NALCN: variants seen among roughly 807,000 people sequenced by gnomAD.
NALCN encodes sodium leak channel, non-selective.
Under a neutral mutation model 225.3 loss-of-function variants are expected in NALCN, and 111 were observed. The observed-to-expected ratio is 0.49, with a 90% confidence interval of 0.42 to 0.58. NALCN has a LOEUF of 0.58. Among genes scored for constraint, NALCN ranks in the 20% least tolerant of loss-of-function variants. The pLI is 0.00. For synonymous variants in NALCN, 764 were observed against 769.0 expected (o/e 0.99, Z 0.11); for missense variants, 1,378 against 2,202.4 (o/e 0.63, Z 7.49).
intron 26 of NALCN, among the ~76,000 whole-genome samples, chr13:101,102,630 C>A (rs1252899184): frequency 6.6e-6 from 1 of 152,186 alleles, no homozygotes; most frequent in African/African-American, 2.4e-5. Flanking sequence ...GTTTTGCCCC[C>A]TCAATCATCT....
chr13:101,325,921 T>C (rs1321259420), intron 7 of NALCN, among the ~76,000 whole-genome samples: 1 of 152,230 alleles, frequency 6.6e-6, no homozygotes, highest in Non-Finnish European at 1.5e-5. Flanking sequence ...GAAAACAGTT[T>C]AGTTTAGAAA....
Position 101,128,554 on chromosome 13 carries a change from A to AT in NALCN, c.2119-3874dup, listed in dbSNP as rs373899990. Among the ~76,000 whole-genome samples, 394 of 145,422 alleles carry AT rather than the reference A, an allele frequency of 2.7e-3. 1 individual carries two copies. The highest frequency in any genetic ancestry group is 8.8e-3 in the African/African-American group (348 of 39,652). On this transcript the variant is annotated intron_variant, in intron 17 of 43. Coordinates refer to ENST00000251127, the MANE Select transcript of NALCN (RefSeq NM_052867.4). ...TTTGACCTATAGTTTTTGAGTCTGG[A>AT]TTTTTTTTTTTCTTTTTTTGACAGG... is the stretch of plus-strand genomic sequence containing the variant.
chr13:101,301,654 G>A (rs1160882525), intron 7 of NALCN, among the ~76,000 whole-genome samples: 7 of 151,386 alleles, frequency 4.6e-5, no homozygotes. Context: ...CTGGGAGGCA[G>A]AGGGTGCAGT....
chr13:101,098,172 T>C (rs574432425), intron 27 of NALCN, among the ~76,000 whole-genome samples: 1 of 152,178 alleles, frequency 6.6e-6, no homozygotes, highest in African/African-American at 2.4e-5. Context: ...TCCCACCTCC[T>C]CCCTGAAGCC....
intron 12 of NALCN, 32 bp from the exon 13 acceptor site, chr13:101,229,616 CAT>C (rs2041270322): frequency 6.8e-7 from 1 of 1,470,452 alleles, no homozygotes; most frequent in African/African-American, 1.4e-5. Flanking sequence ...TTTATTTACA[CAT>C]ATGATCATTT....
At chr13:101,393,027 G>A (rs1288267908) in intron 3 of NALCN, among the ~76,000 whole-genome samples, 2 of 152,270 alleles carry the variant, frequency 1.3e-5, no homozygotes, top group East Asian at 3.9e-4. Flanking sequence ...TAGAAAGTTT[G>A]TCCATGATTT....
chr13:101,266,411 A>G (rs1359237549), intron 10 of NALCN, among the ~76,000 whole-genome samples: 1 of 152,208 alleles, frequency 6.6e-6, no homozygotes, highest in African/African-American at 2.4e-5. Context: ...AGCTCTTTCT[A>G]TTAAATTTCT....
chr13:101,216,527 G>A (rs1472774682), intron 13 of NALCN, among the ~76,000 whole-genome samples: 1 of 151,802 alleles, frequency 6.6e-6, no homozygotes, highest in African/African-American at 2.4e-5. Context: ...ATATCTTTTT[G>A]CACATCAAAT....
intron 13 of NALCN, among the ~76,000 whole-genome samples, chr13:101,215,849 C>A (rs2140093438): frequency 6.6e-6 from 1 of 152,252 alleles, no homozygotes; most frequent in Admixed American, 6.5e-5. Context: ...TGCAAGCCAA[C>A]AGAAGACCCT....
rs142117725 is a variant in NALCN, at chr13:101,111,737, T to C, written c.2193-511A>G. On this transcript the variant is annotated intron_variant, in intron 18 of 43. Transcript: ENST00000251127. The stretch of plus-strand genomic sequence containing the variant: ...AAAAGGGGAGTTTCCCTGTACAAGC[T>C]CTCTTCTCTTGTCTGCTGCCATATA... Among the ~76,000 whole-genome samples, 866 of 152,236 alleles carry C rather than the reference T, an allele frequency of 5.7e-3. 6 individuals carry two copies. The highest frequency in any genetic ancestry group is 0.019 in the African/African-American group (775 of 41,520).
intron 22 of NALCN, 82 bp downstream of exon 22, chr13:101,107,405 C>T (rs890738771): frequency 1.1e-5 from 17 of 1,599,100 alleles, no homozygotes; most frequent in Middle Eastern, 2.2e-4. Context: ...TAGGATTACA[C>T]GTTCCTTCTT....
intron 18 of NALCN, among the ~76,000 whole-genome samples, chr13:101,113,544 A>G (rs775748841): frequency 1.3e-5 from 2 of 152,220 alleles, no homozygotes; most frequent in Non-Finnish European, 2.9e-5. Flanking sequence ...ACTCTAATCC[A>G]ATGTGCCCAG....
At chr13:101,233,677 G>A (rs1010237780) in intron 12 of NALCN, among the ~76,000 whole-genome samples, 1 of 151,968 alleles carries the variant, frequency 6.6e-6, no homozygotes, top group African/African-American at 2.4e-5. Flanking sequence ...CTAGGTATGC[G>A]GTCTTGGGCA....
chr13:101,123,941 C>T (rs1219674583), intron 18 of NALCN, among the ~76,000 whole-genome samples: 2 of 152,188 alleles, frequency 1.3e-5, no homozygotes, highest in Non-Finnish European at 2.9e-5. Context: ...TGCGAGCGAT[C>T]CTACCTCCAG....
chr13:101,078,027 C>A (rs899105191), intron 34 of NALCN, among the ~76,000 whole-genome samples: 6 of 152,224 alleles, frequency 3.9e-5, no homozygotes, highest in African/African-American at 1.4e-4. Context: ...GCAAGCCCCA[C>A]GACTTGGTGG....
intron 15 of NALCN, among the ~76,000 whole-genome samples, chr13:101,158,874 G>A (rs1038815704): frequency 6.6e-6 from 1 of 152,134 alleles, no homozygotes; most frequent in African/African-American, 2.4e-5. Context: ...TCCTCCCACA[G>A]CACTCTCCTT....
intron 13 of NALCN, among the ~76,000 whole-genome samples, chr13:101,197,297 C>A (rs1006127017): frequency 6.6e-6 from 1 of 152,088 alleles, no homozygotes; most frequent in Non-Finnish European, 1.5e-5. Flanking sequence ...TCTTCTCCTC[C>A]TCCGCGACCC....
At chr13:101,295,559 G>A (rs768097997) in intron 7 of NALCN, among the ~76,000 whole-genome samples, 18 of 152,086 alleles carry the variant, frequency 1.2e-4, no homozygotes, top group Non-Finnish European at 1.3e-4. Context: ...TGAACTAGTA[G>A]CCTTGAAACT....
rs547786466 is a variant in NALCN, at chr13:101,216,575, C to A, written c.1626+12818G>T. On this transcript the variant is annotated intron_variant, in intron 13 of 43. Coordinates refer to ENST00000251127, the MANE Select transcript of NALCN (RefSeq NM_052867.4). ...AATTAAAAATACATGAAAGACAGAA[C>A]AAAAATTAAAGATTTCAGCAATATT... 2.2e-3 allele frequency among the ~76,000 whole-genome samples: 332 copies of A among 152,064 alleles called. 1 individual carries two copies. Among genetic ancestry groups the A allele is most frequent in the Non-Finnish European group, 3.5e-3 (235 of 67,956 alleles).
Sources: allele counts gnomAD v4.1 joint callset (sites outside exome capture counted in the v4.1 genomes callset), GRCh38; gene constraint gnomAD v4.1.1; transcripts MANE v1.5; gene names NCBI Gene and HGNC (gene_info 2026-07-23, HGNC 2026-07-21).